OGDH: variants seen among roughly 807,000 people sequenced by gnomAD.
OGDH encodes 2-oxoglutarate dehydrogenase complex component E1.
In OGDH, 38 loss-of-function variants were observed where a neutral mutation model predicts 116.6. That is an observed-to-expected ratio of 0.33 (90% CI 0.25 to 0.43). The LOEUF is 0.43. Among genes scored for constraint, OGDH ranks in the 20% least tolerant of loss-of-function variants. OGDH has a pLI of 1.00. For missense variants in OGDH, 825 were observed against 1,357.2 expected, an observed-to-expected ratio of 0.61 and a Z score of 6.16; for synonymous variants, 488 against 533.3, an observed-to-expected ratio of 0.92 and a Z score of 1.17.
chr7:44,645,672 AACAAAT>A (rs1218945422), intron 3 of OGDH, among the ~76,000 whole-genome samples, 154 bp downstream of exon 3: 5 of 152,212 alleles, frequency 3.3e-5, no homozygotes, highest in Non-Finnish European at 7.3e-5. Context: ...GAGGCTAAAA[AACAAAT>A]ACACAAGAAA....
intron 3 of OGDH, among the ~76,000 whole-genome samples, chr7:44,646,546 A>G (rs1276759545): frequency 6.6e-6 from 1 of 152,270 alleles, no homozygotes; most frequent in East Asian, 1.9e-4. Flanking sequence ...GGATATTTGC[A>G]TAAGGAGGAA....
chr7:44,636,604 A>T (rs1785681235), intron 2 of OGDH, among the ~76,000 whole-genome samples: 1 of 152,248 alleles, frequency 6.6e-6, no homozygotes, highest in Non-Finnish European at 1.5e-5. Context: ...CAGCTGCCAC[A>T]TGCAGAGAGC....
At chr7:44,660,252 G>A (rs1281341177) in intron 4 of OGDH, among the ~76,000 whole-genome samples, 1 of 152,154 alleles carries the variant, frequency 6.6e-6, no homozygotes, top group East Asian at 1.9e-4. Context: ...AGCCTCCCAA[G>A]TAGCCAAGAC....
chr7:44,607,128 G>A (rs907746374), intron 1 of OGDH, among the ~76,000 whole-genome samples: 2 of 152,234 alleles, frequency 1.3e-5, no homozygotes, highest in Admixed American at 1.3e-4. Context: ...TTGTCCGAAA[G>A]ACAGTGTGGC....
chr7:44,688,681 C>T lies in OGDH; in HGVS notation c.1336-5144C>T, dbSNP rs193015238. Among the ~76,000 whole-genome samples the T allele has an allele frequency of 2.8e-4, 43 of 151,952 alleles. 1 individual carries two copies. The highest frequency in any genetic ancestry group is 2.7e-3 in the East Asian group (14 of 5,092). ...TCCTGACCTCATGATCCGCCAGCCT[C>T]GGCCTCCTAGAGTGCTGGGATTACA... On this transcript the variant is annotated intron_variant, in intron 10 of 22. Coordinates refer to ENST00000222673, the MANE Select transcript of OGDH (RefSeq NM_002541.4).
chr7:44,629,476 C>T (rs1303405456), intron 2 of OGDH, among the ~76,000 whole-genome samples: 1 of 152,192 alleles, frequency 6.6e-6, no homozygotes, highest in Non-Finnish European at 1.5e-5. Context: ...AGGGCTCTTC[C>T]TCTGCTCTGT....
chr7:44,704,076 A>C (rs947569993), intron 20 of OGDH, among the ~76,000 whole-genome samples: 3 of 152,156 alleles, frequency 2.0e-5, no homozygotes, highest in African/African-American at 7.2e-5. Context: ...ATGTACTCAG[A>C]AGTGGAATTG....
chr7:44,609,354 A>G (rs949014231), intron 1 of OGDH, among the ~76,000 whole-genome samples: 2 of 150,632 alleles, frequency 1.3e-5, no homozygotes, highest in African/African-American at 4.9e-5. Context: ...AAAAAAAAAA[A>G]AAAAAATTAG....
chr7:44,681,647 C>T (rs1787934325), intron 9 of OGDH, 73 bp from the exon 10 acceptor site: 2 of 1,527,476 alleles, frequency 1.3e-6, no homozygotes, highest in Non-Finnish European at 1.8e-6. Flanking sequence ...ACAAATGATG[C>T]ATTTCCTCTG....
At chr7:44,640,363 T>C (rs1785875184) in intron 2 of OGDH, among the ~76,000 whole-genome samples, 1 of 152,164 alleles carries the variant, frequency 6.6e-6, no homozygotes, top group Non-Finnish European at 1.5e-5. Context: ...ACATTCCAGG[T>C]GCTCTAAGTA....
intron 10 of OGDH, among the ~76,000 whole-genome samples, chr7:44,685,939 G>C (rs76639975): frequency 2.0e-5 from 3 of 151,974 alleles, no homozygotes; most frequent in Non-Finnish European, 4.4e-5. Flanking sequence ...CCTGCTTTCC[G>C]TTCTTTGGAG....
At chr7:44,618,123 C>G (rs565363808) in intron 1 of OGDH, among the ~76,000 whole-genome samples, 2 of 152,068 alleles carry the variant, frequency 1.3e-5, no homozygotes, top group Non-Finnish European at 2.9e-5. Flanking sequence ...TTATTTTTCC[C>G]AAATGTATGT....
Position 44,696,086 on chromosome 7 carries a change from A to G in OGDH, c.1730A>G (p.Lys577Arg). ...GCTTTTGCCAGATCTAAAGATGAGA[A>G]GATCTTGCACATTAAGCACTGGCTG... ...EEAFARSKDE[K>R]ILHIKHWLDS... The change falls in exon 13 of 23, where the codon AAG (lysine) becomes AGG (arginine). Residue 577 changes from lysine (K) to arginine (R), a missense_variant. Around this residue, in one of 7 missense-constraint regions of OGDH, gnomAD observed 146 missense variants for 317.3 expected, o/e 0.46. Transcript: ENST00000222673. 6.2e-7 allele frequency: 1 copy of G among 1,613,478 alleles called. No homozygotes were observed.
At chr7:44,688,697 TG>T (rs1314594821) in intron 10 of OGDH, among the ~76,000 whole-genome samples, 1 of 151,918 alleles carries the variant, frequency 6.6e-6, no homozygotes, top group Non-Finnish European at 1.5e-5. Flanking sequence ...CCTAGAGTGC[TG>T]GGATTACAAG....
At chr7:44,633,608 C>A (rs1163933441) in intron 2 of OGDH, among the ~76,000 whole-genome samples, 1 of 152,194 alleles carries the variant, frequency 6.6e-6, no homozygotes, top group Non-Finnish European at 1.5e-5. Flanking sequence ...TATCTCTTCG[C>A]GTCCATGATT....
At chr7:44,676,990 AT>A (rs1270355378) in intron 9 of OGDH, among the ~76,000 whole-genome samples, 3 of 152,054 alleles carry the variant, frequency 2.0e-5, no homozygotes, top group Admixed American at 2.0e-4. Context: ...CTGCTTCACC[AT>A]TTCTGGTCAT....
At chr7:44,650,782 A>G (rs773566038) in intron 4 of OGDH, among the ~76,000 whole-genome samples, 2 of 152,178 alleles carry the variant, frequency 1.3e-5, no homozygotes, top group Non-Finnish European at 2.9e-5. Context: ...GGAATGAGGC[A>G]GTAGAAGGGG....
Position 44,701,528 on chromosome 7 carries a change from T to C in OGDH, c.2560-15T>C, listed in dbSNP as rs1195525242. ...AGAATCTGATCCTTCACGAGCCTATTGTTCTGTATTTCAGTTAATTATCTT... is the reference window on the plus strand; with the variant it reads ...AGAATCTGATCCTTCACGAGCCTATCGTTCTGTATTTCAGTTAATTATCTT... On this transcript the variant is annotated splice_polypyrimidine_tract_variant and intron_variant, in intron 19 of 22. Transcript: ENST00000222673. 1 of 1,612,204 alleles carries C rather than the reference T, an allele frequency of 6.2e-7. No individual in the cohort carries two copies. Among genetic ancestry groups the C allele is most frequent in the South Asian group, 1.1e-5 (1 of 91,012 alleles).
intron 2 of OGDH, among the ~76,000 whole-genome samples, chr7:44,643,788 C>T (rs1786052975): frequency 6.6e-6 from 1 of 152,222 alleles, no homozygotes; most frequent in South Asian, 2.1e-4. Context: ...GCAAAGATCT[C>T]ATAAAGTTTT....
Sources: gnomAD v4.1 joint callset for allele counts (sites outside exome capture counted in the v4.1 genomes callset) on GRCh38, gnomAD v4.1.1 for gene constraint, gnomAD v4.1.1 regional missense constraint, MANE v1.5 for transcripts, NCBI Gene and HGNC (gene_info 2026-07-23, HGNC 2026-07-21) for gene names.